Variants in YES1 observed in about 807,000 individuals in gnomAD.
YES1 encodes the protein YES proto-oncogene 1, Src family tyrosine kinase.
Under a neutral mutation model 70.4 loss-of-function variants are expected in YES1, and 39 were observed. That is an observed-to-expected ratio of 0.55 (90% CI 0.43 to 0.72). The LOEUF (loss-of-function observed/expected upper bound fraction) is 0.72. Among genes scored for constraint, YES1 ranks in the 30% least tolerant of loss-of-function variants. YES1 has a pLI of 0.00. For synonymous variants in YES1, 198 were observed against 218.6 expected (o/e 0.91, Z 0.83); for missense variants, 495 against 644.8 (o/e 0.77, Z 2.52).
chr18:737,714 T>C (rs1402660088), intron 9 of YES1, among the ~76,000 whole-genome samples: 1 of 152,146 alleles, frequency 6.6e-6, no homozygotes, highest in Non-Finnish European at 1.5e-5. Context: ...CTAAAACTGT[T>C]TTTTACATTT....
intron 1 of YES1, among the ~76,000 whole-genome samples, chr18:782,373 G>T (rs1905716692): frequency 6.6e-6 from 1 of 152,116 alleles, no homozygotes; most frequent in African/African-American, 2.4e-5. Context: ...CCTCCCTCTG[G>T]GTCAGCCCTC....
At chr18:737,062 T>C (rs537147744) in intron 9 of YES1, 101 bp from the exon 10 acceptor site, 1 of 1,032,660 alleles carries the variant, frequency 9.7e-7, no homozygotes, top group South Asian at 1.7e-5. Flanking sequence ...GAAAATCATA[T>C]TATTTTAGAA....
At chr18:795,521 T>C (rs1450753040) in intron 1 of YES1, among the ~76,000 whole-genome samples, 2 of 152,056 alleles carry the variant, frequency 1.3e-5, no homozygotes, top group Admixed American at 6.6e-5. Flanking sequence ...CCATCAATGA[T>C]AGACTGGATA....
intron 11 of YES1, among the ~76,000 whole-genome samples, chr18:731,074 G>C (rs995484803): frequency 6.6e-6 from 1 of 152,186 alleles, no homozygotes; most frequent in Non-Finnish European, 1.5e-5. Context: ...GATCCTGGTA[G>C]CATCAAGAAA....
chr18:788,011 A>G (rs1053060446), intron 1 of YES1: 6 of 152,230 alleles, frequency 3.9e-5, no homozygotes, highest in Non-Finnish European at 8.8e-5. Context: ...AACAGCACGT[A>G]TATGAGAAAG....
chr18:722,956 G>A lies in YES1; in HGVS notation c.*1468C>T, dbSNP rs549696578. Reference sequence around the variant, plus strand: ...AAATACAAAAAACTAGCCAGGCGTGGTGGTGGGCACCTGTAGTCCCAGCTA... The same window carrying A: ...AAATACAAAAAACTAGCCAGGCGTGATGGTGGGCACCTGTAGTCCCAGCTA... On this transcript the variant is annotated 3_prime_UTR_variant, in exon 12 of 12. Coordinates refer to ENST00000314574, the MANE Select transcript of YES1 (RefSeq NM_005433.4). 106 of 152,434 alleles carry A rather than the reference G, an allele frequency of 7.0e-4. 2 individuals are homozygous for A. In the South Asian group the frequency reaches 0.021, roughly 30 times the overall value. The allele number at this position is 152,434 out of a possible 1,614,324, so 9.4% of individuals were successfully genotyped here. A position where few individuals can be genotyped will look rare whatever the true frequency, so the allele number is the denominator to read the frequency against.
At chr18:791,095 C>A (rs1213543079) in intron 1 of YES1, among the ~76,000 whole-genome samples, 1 of 151,234 alleles carries the variant, frequency 6.6e-6, no homozygotes, top group Non-Finnish European at 1.5e-5. Flanking sequence ...ATTAAAAATA[C>A]AAAAATTAGC....
chr18:732,844 C>T lies in YES1; in HGVS notation c.1413G>A (p.Val471=). Residue 471 remains valine (V), a synonymous_variant, in exon 11 of 12, where the codon GTG becomes GTA. Transcript: ENST00000314574. The stretch of plus-strand genomic sequence containing the variant: ...AAAATGCAAGCTTACCTGGATATGG[C>T]ACTCGGCCCTTTGTTACTAGTTCTG... ...LQTELVTKGR[V]PYPGMVNREV... The T allele has an allele frequency of 1.2e-6, 2 of 1,614,198 alleles. No homozygotes were observed. The highest frequency in any genetic ancestry group is 1.7e-6 in the Non-Finnish European group (2 of 1,180,032).
chr18:797,533 G>A (rs1303659863), intron 1 of YES1, among the ~76,000 whole-genome samples: 1 of 152,110 alleles, frequency 6.6e-6, no homozygotes, highest in East Asian at 1.9e-4. Flanking sequence ...TATCAGGTCT[G>A]ACCACTCACT....
chr18:785,211 C>A (rs1905874754), intron 1 of YES1, among the ~76,000 whole-genome samples: 1 of 151,714 alleles, frequency 6.6e-6, no homozygotes, highest in Admixed American at 6.6e-5. Context: ...TATGTGTGGC[C>A]CAAGATAATT....
chr18:749,954 T>C (rs942927605), intron 3 of YES1, among the ~76,000 whole-genome samples: 30 of 152,070 alleles, frequency 2.0e-4, no homozygotes, highest in Middle Eastern at 3.4e-3. Context: ...TTATAACACA[T>C]AAGCCGTCAT....
chr18:743,692 G>A (rs565927254), intron 6 of YES1, among the ~76,000 whole-genome samples: 59 of 152,146 alleles, frequency 3.9e-4, no homozygotes, highest in African/African-American at 1.4e-3. Flanking sequence ...TGAATCACGA[G>A]GTCAGGAGTT....
At chr18:739,388 G>A (rs1477819518) in intron 9 of YES1, 1 of 164,424 alleles carries the variant, frequency 6.1e-6, no homozygotes, top group East Asian at 1.7e-4. Context: ...TTGAGCCAAG[G>A]ACTTTGAGAC....
chr18:795,611 T>C (rs1321374938), intron 1 of YES1, among the ~76,000 whole-genome samples: 1 of 152,074 alleles, frequency 6.6e-6, no homozygotes, highest in Non-Finnish European at 1.5e-5. Context: ...TGCAAGGACA[T>C]GGATGAAGCT....
intron 1 of YES1, among the ~76,000 whole-genome samples, chr18:784,550 G>A (rs962683870): frequency 1.3e-5 from 2 of 152,160 alleles, no homozygotes; most frequent in African/African-American, 2.4e-5. Flanking sequence ...GTCTGACGCC[G>A]GTGTCCCTGG....
chr18:780,778 C>A (rs1905618992), intron 1 of YES1, among the ~76,000 whole-genome samples: 1 of 152,152 alleles, frequency 6.6e-6, no homozygotes, highest in African/African-American at 2.4e-5. Context: ...CCCTTGACTA[C>A]TAATTATTTA....
At chr18:740,520 T>C (rs2080205315) in intron 8 of YES1, among the ~76,000 whole-genome samples, 1 of 152,126 alleles carries the variant, frequency 6.6e-6, no homozygotes, top group African/African-American at 2.4e-5. Context: ...GGAAGTGTAG[T>C]TGGTGGACTG....
intron 1 of YES1, among the ~76,000 whole-genome samples, chr18:810,710 A>T (rs7230710): frequency 0.014 from 2,187 of 152,348 alleles, 48 homozygotes; most frequent in African/African-American, 0.05. Flanking sequence ...GCTAATGTCC[A>T]AAAATAAAAA....
At chr18:732,571 A>C (rs566274956) in intron 11 of YES1, among the ~76,000 whole-genome samples, 2 of 152,146 alleles carry the variant, frequency 1.3e-5, no homozygotes, top group South Asian at 4.2e-4. Flanking sequence ...GCCCCTTTGG[A>C]AAATGTCCTG....
Sources: gnomAD v4.1 joint callset for allele counts (sites outside exome capture counted in the v4.1 genomes callset) on GRCh38, gnomAD v4.1.1 for gene constraint, MANE v1.5 for transcripts, NCBI Gene and HGNC (gene_info 2026-07-23, HGNC 2026-07-21) for gene names.